Variants in SMG1 observed in about 807,000 individuals in gnomAD.
SMG1 encodes the protein SMG1 nonsense mediated mRNA decay associated PI3K related kinase.
SMG1 carries 22 observed loss-of-function variants against 419.9 expected under a neutral mutation model. That is an observed-to-expected ratio of 0.05 (90% confidence interval 0.04 to 0.07). The LOEUF (loss-of-function observed/expected upper bound fraction) is 0.07, where lower values mean the gene tolerates loss of function less well. Among genes scored for constraint, SMG1 ranks in the 10% least tolerant of loss-of-function variants. The pLI, the probability that SMG1 is intolerant of heterozygous loss-of-function variation, is 1.00. For synonymous variants in SMG1, 1,538 were observed against 1,553.5 expected (o/e 0.99, Z 0.23); for missense variants, 3,185 against 4,342.0 (o/e 0.73, Z 7.49).
chr16:18,827,577 A>T lies in SMG1; in HGVS notation c.9741+454T>A, dbSNP rs796333507. Among the ~76,000 whole-genome samples, 140 of 141,812 alleles carry T rather than the reference A, an allele frequency of 9.9e-4. 7 individuals carry two copies. The highest frequency in any genetic ancestry group is 9.7e-3 in the East Asian group (48 of 4,960). 93.0% of individuals were successfully genotyped at this position (141,812 alleles called of 152,430 possible). On this transcript the variant is annotated intron_variant, in intron 55 of 62. Transcript: ENST00000446231. ...ATATATCTTTGGTATAAATATACCA[A>T]AATATATATTTTTAGATATATTTGG... is the stretch of plus-strand genomic sequence containing the variant.
intron 60 of SMG1, among the ~76,000 whole-genome samples, chr16:18,812,615 C>CACATATAT (rs1354777235): frequency 2.7e-5 from 2 of 73,078 alleles, no homozygotes; most frequent in Admixed American, 1.6e-4. Flanking sequence ...TATATACATA[C>CACATATAT]ACACATATAT....
Position 18,811,140 on chromosome 16 carries a change from G to A in SMG1, c.10908+621C>T, listed in dbSNP as rs2031357353. Among the ~76,000 whole-genome samples the A allele has an allele frequency of 3.3e-5, 5 of 152,070 alleles. 1 individual carries two copies. Among genetic ancestry groups the A allele is most frequent in the Admixed American group, 3.3e-4 (5 of 15,256 alleles). ...TTGGGACCTGTAGTTTTAGATTTTGGATTCTTTGAGATTTTGGAATATATA... is the reference window on the plus strand; with the variant it reads ...TTGGGACCTGTAGTTTTAGATTTTGAATTCTTTGAGATTTTGGAATATATA... On this transcript the variant is annotated intron_variant, in intron 62 of 62. Coordinates refer to ENST00000446231, the MANE Select transcript of SMG1 (RefSeq NM_015092.5).
At chr16:18,925,854 G>A (rs1468071629) in intron 1 of SMG1, 96 bp downstream of exon 1, 45 of 935,590 alleles carry the variant, frequency 4.8e-5, no homozygotes, top group Non-Finnish European at 6.6e-5. Flanking sequence ...GGGGTGGAGG[G>A]CCTAGGCCGC....
intron 39 of SMG1, among the ~76,000 whole-genome samples, chr16:18,844,474 TACACACACACACACACACACACACAC>T (rs71141074): frequency 7.2e-4 from 3 of 4,170 alleles, no homozygotes; most frequent in East Asian, 6.7e-3. Context: ...CCCGCCCACC[TACACACACACACACACACACACACAC>T]ACACACACAC....
At chr16:18,814,042 A>T (rs2031737188) in intron 60 of SMG1, among the ~76,000 whole-genome samples, 1 of 147,622 alleles carries the variant, frequency 6.8e-6, no homozygotes, top group African/African-American at 2.5e-5. Flanking sequence ...AAAAAAAAAA[A>T]AAAATTAAAT....
chr16:18,819,074 C>A (rs537036205), intron 56 of SMG1, among the ~76,000 whole-genome samples: 3 of 152,030 alleles, frequency 2.0e-5, no homozygotes, highest in African/African-American at 7.2e-5. Flanking sequence ...ACCTCAGCCT[C>A]CCAAAGTGCT....
chr16:18,890,786 T>C (rs2036842172), intron 5 of SMG1, 77 bp downstream of exon 5: 1 of 766,928 alleles, frequency 1.3e-6, no homozygotes, highest in South Asian at 1.5e-5. Flanking sequence ...AGTGGGTTTG[T>C]CTTCTTGTGT....
chr16:18,861,333 C>T (rs1412491736), intron 25 of SMG1: 6 of 152,520 alleles, frequency 3.9e-5, no homozygotes, highest in African/African-American at 1.4e-4. Context: ...ATAATGACAC[C>T]TCTGAAATTC....
At chr16:18,860,920 T>C (rs1008969815) in intron 25 of SMG1, 144 bp from the exon 26 acceptor site, 8 of 509,848 alleles carry the variant, frequency 1.6e-5, no homozygotes, top group African/African-American at 1.4e-4. Context: ...GAGGATGCCA[T>C]TATTTTGGTT....
At chr16:18,902,572 C>T (rs923913839) in intron 1 of SMG1, among the ~76,000 whole-genome samples, 4 of 152,018 alleles carry the variant, frequency 2.6e-5, no homozygotes, top group Middle Eastern at 3.2e-3. Context: ...AGGTGGTATG[C>T]GCCCATAGAT....
At chr16:18,921,257 G>T (rs757197216) in intron 1 of SMG1, among the ~76,000 whole-genome samples, 1 of 151,960 alleles carries the variant, frequency 6.6e-6, no homozygotes, top group Middle Eastern at 3.4e-3. Context: ...AGGCTAAGGC[G>T]GGAGGATTCC....
intron 22 of SMG1, among the ~76,000 whole-genome samples, chr16:18,867,881 TG>T (rs1193282293): frequency 1.9e-4 from 29 of 151,872 alleles, no homozygotes; most frequent in African/African-American, 6.8e-4. Context: ...GCTAATTTTT[TG>T]TATTTTTAGT....
At chr16:18,870,732 C>T (rs569724420) in intron 17 of SMG1, 21 bp from the exon 18 acceptor site, 1 of 1,588,164 alleles carries the variant, frequency 6.3e-7, no homozygotes, top group South Asian at 1.1e-5. Flanking sequence ...ACGAAATAGA[C>T]AAAGCAGGTG....
intron 16 of SMG1, among the ~76,000 whole-genome samples, 173 bp from the exon 17 acceptor site, chr16:18,871,061 C>G (rs543003995): frequency 6.6e-6 from 1 of 152,208 alleles, no homozygotes; most frequent in South Asian, 2.1e-4. Context: ...TAAAATGATA[C>G]ATTCAACAAA....
intron 31 of SMG1, among the ~76,000 whole-genome samples, chr16:18,853,328 T>TG (rs1226063527): frequency 6.6e-6 from 1 of 152,182 alleles, no homozygotes; most frequent in Admixed American, 6.5e-5. Flanking sequence ...TTTTTTGATA[T>TG]GAGGGGCAGG....
intron 33 of SMG1, among the ~76,000 whole-genome samples, chr16:18,851,403 A>G (rs1426884734): frequency 3.3e-5 from 5 of 150,152 alleles, no homozygotes; most frequent in African/African-American, 7.6e-5. Flanking sequence ...ACACACACAC[A>G]CACACGCGCA....
At chr16:18,923,554 G>C (rs1413187399) in intron 1 of SMG1, among the ~76,000 whole-genome samples, 1 of 151,616 alleles carries the variant, frequency 6.6e-6, no homozygotes, top group Non-Finnish European at 1.5e-5. Context: ...ATTTTTCCTT[G>C]TAACCGGGAG....
intron 1 of SMG1, 187 bp downstream of exon 1, chr16:18,925,763 A>C: frequency 5.4e-6 from 2 of 367,178 alleles, no homozygotes; most frequent in Non-Finnish European, 4.8e-6. Flanking sequence ...CAGGGAGGGG[A>C]GGCACTTAGG....
In SMG1 at chr16:18,838,006, G is replaced by A. The variant is rs2033687109; in HGVS notation, c.7413+8C>T. On this transcript the variant is annotated splice_region_variant and intron_variant, in intron 45 of 62. Coordinates refer to ENST00000446231, the MANE Select transcript of SMG1 (RefSeq NM_015092.5). ...AAGACAATGACTTATTCCGTCACTG[G>A]GCTTCACCTTAATCTCAGCTACTCT... 9 of 1,612,926 alleles carry A rather than the reference G, an allele frequency of 5.6e-6. No individual in the cohort carries two copies. In the East Asian group the frequency reaches 8.9e-5, roughly 16 times the overall value.
Sources: gnomAD v4.1 joint callset for allele counts (sites outside exome capture counted in the v4.1 genomes callset) on GRCh38, gnomAD v4.1.1 for gene constraint, MANE v1.5 for transcripts, NCBI Gene and HGNC (gene_info 2026-07-23, HGNC 2026-07-21) for gene names.